FGF14: variants seen among roughly 807,000 people sequenced by gnomAD.
FGF14 encodes the protein fibroblast growth factor 14.
FGF14 carries 5 observed loss-of-function variants against 25.5 expected under a neutral mutation model. The ratio of observed to expected loss-of-function variants is 0.20; its 90% confidence interval spans 0.10 to 0.41. The LOEUF (loss-of-function observed/expected upper bound fraction) is 0.41. FGF14 is among the 10% of genes least tolerant of loss of function. The pLI, the probability that FGF14 is intolerant of heterozygous loss-of-function variation, is 1.00. For synonymous variants in FGF14, 138 were observed against 118.3 expected, an observed-to-expected ratio of 1.17 and a Z score of -1.08; for missense variants, 222 against 320.1, an observed-to-expected ratio of 0.69 and a Z score of 2.34.
intron 1 of FGF14, among the ~76,000 whole-genome samples, chr13:102,125,960 G>A (rs2045931950): frequency 6.6e-6 from 1 of 152,104 alleles, no homozygotes; most frequent in Non-Finnish European, 1.5e-5. Context: ...CTTGCATGGA[G>A]ATTGGATTAT....
upstream of FGF14, among the ~76,000 whole-genome samples, chr13:101,918,241 AT>A (rs1346743090): frequency 2.6e-5 from 4 of 152,172 alleles, no homozygotes; most frequent in African/African-American, 9.7e-5. Flanking sequence ...GAAACACTTC[AT>A]GCTTGGATGA....
chr13:102,303,493 G>T (rs1197093033), intron 1 of FGF14, among the ~76,000 whole-genome samples: 1 of 152,164 alleles, frequency 6.6e-6, no homozygotes, highest in Non-Finnish European at 1.5e-5. Context: ...GAATAATTGA[G>T]TGGAAATTTT....
At chr13:101,912,929 T>G (rs187122659) in intron 1 of FGF14, among the ~76,000 whole-genome samples, 8 of 152,220 alleles carry the variant, frequency 5.3e-5, no homozygotes, top group Admixed American at 2.6e-4. Flanking sequence ...TGAGAGCCTA[T>G]GAAGATGCAG....
chr13:102,312,850 C>T (rs2055839962), intron 1 of FGF14, among the ~76,000 whole-genome samples: 1 of 152,160 alleles, frequency 6.6e-6, no homozygotes, highest in African/African-American at 2.4e-5. Flanking sequence ...TTAGCTCTTC[C>T]ATCGAAGCCC....
chr13:101,788,540 A>C (rs985961265), intron 3 of FGF14, among the ~76,000 whole-genome samples: 6 of 152,056 alleles, frequency 3.9e-5, no homozygotes, highest in African/African-American at 1.4e-4. Flanking sequence ...AACCGGAAGC[A>C]TGTTGTTGTA....
chr13:102,310,695 G>C (rs1313139517), intron 1 of FGF14, among the ~76,000 whole-genome samples: 1 of 34,506 alleles, frequency 2.9e-5, no homozygotes, highest in East Asian at 1.3e-3. Context: ...CTGTGTGTGT[G>C]TGGGGGGGGG....
chr13:101,954,725 T>TGTGCACGAGTGTGTGCAC (rs1416334340), intron 1 of FGF14, among the ~76,000 whole-genome samples: 6 of 150,558 alleles, frequency 4.0e-5, no homozygotes, highest in Non-Finnish European at 8.9e-5. Flanking sequence ...TGTGTGTGCT[T>TGTGCACGAGTGTGTGCAC]GTGCACGAGT....
At chr13:101,808,760 T>A (rs1447589699) in intron 3 of FGF14, among the ~76,000 whole-genome samples, 1 of 152,084 alleles carries the variant, frequency 6.6e-6, no homozygotes, top group East Asian at 1.9e-4. Flanking sequence ...AGGTAAAGAC[T>A]TTAAGCATAT....
At chr13:102,142,206 C>T (rs1286056271) in intron 1 of FGF14, among the ~76,000 whole-genome samples, 1 of 152,180 alleles carries the variant, frequency 6.6e-6, no homozygotes, top group African/African-American at 2.4e-5. Flanking sequence ...TCTCCTAAAT[C>T]ATCAAGCACA....
At position 101,861,109 on chromosome 13, in the gene FGF14, G is replaced by A. The variant is rs149973404; in HGVS notation, c.408+7616C>T. ...TATCTAACTTTATGCTGATGTCACT[G>A]ACCCAGCATATTCATCTTTGTCTCA... On this transcript the variant is annotated intron_variant, in intron 3 of 4. Transcript: ENST00000376143. Among the ~76,000 whole-genome samples the A allele has an allele frequency of 2.6e-3, 390 of 152,176 alleles. 2 individuals carry two copies. Among genetic ancestry groups the A allele is most frequent in the Middle Eastern group, 0.017 (5 of 294 alleles).
At chr13:102,238,658 G>A (rs2051440573) in intron 1 of FGF14, among the ~76,000 whole-genome samples, 1 of 152,238 alleles carries the variant, frequency 6.6e-6, no homozygotes, top group Admixed American at 6.5e-5. Context: ...CAAGAAGGCA[G>A]ATTCAAAGTA....
intron 1 of FGF14, among the ~76,000 whole-genome samples, chr13:102,241,584 A>G (rs1217389132): frequency 6.6e-6 from 1 of 152,156 alleles, no homozygotes; most frequent in Non-Finnish European, 1.5e-5. Flanking sequence ...ATGCTATAGA[A>G]AAAAATATGA....
chr13:102,375,451 T>A lies in FGF14; in HGVS notation c.208+26020A>T, dbSNP rs375754625. ...TTTGTAGTAAATTAATGACTGGAAA[T>A]CAACTCTTTGACTCAATTTATCGTT... is the stretch of plus-strand genomic sequence containing the variant. On this transcript the variant is annotated intron_variant, in intron 1 of 4. Coordinates refer to the FGF14 transcript ENST00000376131. Among the ~76,000 whole-genome samples the A allele has an allele frequency of 6.6e-5, 10 of 152,180 alleles. No homozygotes were observed. The East Asian group carries it at 1.5e-3, about 23-fold the overall frequency.
At chr13:101,807,344 G>A (rs1462324872) in intron 3 of FGF14, among the ~76,000 whole-genome samples, 1 of 152,066 alleles carries the variant, frequency 6.6e-6, no homozygotes, top group East Asian at 1.9e-4. Flanking sequence ...ATTCTGCTGA[G>A]TAGAATTTTC....
At chr13:101,802,728 A>C (rs1016247182) in intron 3 of FGF14, among the ~76,000 whole-genome samples, 8 of 152,230 alleles carry the variant, frequency 5.3e-5, no homozygotes, top group Non-Finnish European at 7.4e-5. Context: ...CACACTGTGC[A>C]CTTTGCTGTT....
chr13:101,720,787 G>T lies in FGF14; in HGVS notation c.*2044C>A, dbSNP rs2034922505. On this transcript the variant is annotated 3_prime_UTR_variant, in exon 5 of 5. Coordinates refer to ENST00000376143, the MANE Select transcript of FGF14 (RefSeq NM_004115.4). ...GATGACATAACACCAAATCAAAAAT[G>T]ACCAAAGGAATCATTTTGTTTGTTA... 1 of 152,018 alleles carries T rather than the reference G, an allele frequency of 6.6e-6. No individual in the cohort carries two copies. The highest frequency in any genetic ancestry group is 1.5e-5 in the Non-Finnish European group (1 of 67,984). The allele number at this position is 152,018 out of a possible 1,614,324, so 9.4% of individuals were successfully genotyped here.
chr13:101,790,094 G>T (rs927677430), intron 3 of FGF14, among the ~76,000 whole-genome samples: 1 of 148,292 alleles, frequency 6.7e-6, no homozygotes, highest in African/African-American at 2.5e-5. Context: ...ATTTCAGTTT[G>T]TTCCCTAGGT....
chr13:101,733,564 C>T (rs1279499150), intron 3 of FGF14, among the ~76,000 whole-genome samples: 1 of 143,466 alleles, frequency 7.0e-6, no homozygotes, highest in African/African-American at 2.6e-5. Context: ...CACTGCACTC[C>T]AGCCTGGCGA....
intron 1 of FGF14, among the ~76,000 whole-genome samples, chr13:102,126,173 TTCA>T (rs3065829): frequency 0.26 from 38,938 of 151,934 alleles, 5,302 homozygotes; most frequent in Middle Eastern, 0.44. Context: ...CAAAACTTTA[TTCA>T]TCATCCCAAA....
Sources: gnomAD v4.1 joint callset for allele counts (sites outside exome capture counted in the v4.1 genomes callset) on GRCh38, gnomAD v4.1.1 for gene constraint, MANE v1.5 for transcripts, NCBI Gene and HGNC (gene_info 2026-07-23, HGNC 2026-07-21) for gene names.